Variants in PTPN14 observed in about 807,000 individuals in gnomAD.
PTPN14 encodes the protein protein tyrosine phosphatase non-receptor type 14.
PTPN14 carries 53 observed loss-of-function variants against 126.8 expected under a neutral mutation model. That is an observed-to-expected ratio of 0.42 (90% CI 0.34 to 0.53). The LOEUF is 0.53. Ranked by LOEUF, PTPN14 falls within the 20% of genes least tolerant of loss-of-function variation. The pLI is 0.08. For missense variants in PTPN14, 1,257 were observed against 1,552.9 expected, an observed-to-expected ratio of 0.81 and a Z score of 3.20; for synonymous variants, 630 against 599.3, an observed-to-expected ratio of 1.05 and a Z score of -0.75.
In PTPN14 at chr1:214,384,062, A is replaced by T. The variant is rs762812924; in HGVS notation, c.1793T>A (p.Val598Glu). 4.4e-6 allele frequency: 7 copies of T among 1,579,144 alleles called. No homozygotes were observed. The South Asian group carries it at 6.8e-5, about 15-fold the overall frequency. ...KYVSGSSPDLVTRKVQLSVKT... is the reference protein window; with the variant it reads ...KYVSGSSPDLETRKVQLSVKT... ...CACCGAGAGCTGCACCTTCCGGGTC[A>T]CCAGGTCCGGGCTGCTGCCGCTGAC... is the stretch of plus-strand genomic sequence containing the variant. The change falls in exon 13 of 19, where the codon GTG becomes GAG. Residue 598 changes from valine to glutamate, a missense_variant. By Grantham distance (121) the Val-to-Glu change is moderately radical. Coordinates refer to ENST00000366956, the MANE Select transcript of PTPN14 (RefSeq NM_005401.5). The surrounding 1 kb of genome is among the most constrained non-coding windows in gnomAD (Gnocchi z 5.3).
In PTPN14 at chr1:214,357,805, G is replaced by A; in HGVS notation, c.*117C>T. On this transcript the variant is annotated 3_prime_UTR_variant, in exon 19 of 19. Coordinates refer to ENST00000366956, the MANE Select transcript of PTPN14 (RefSeq NM_005401.5). ...AATAATCTTGGCTACTGTCTTCAGA[G>A]AGCCTGTTTGCTGCCAGCCACCTGC... The A allele has an allele frequency of 1.3e-6, 1 of 747,482 alleles. No individual in the cohort carries two copies. The highest frequency in any genetic ancestry group is 2.2e-6 in the Non-Finnish European group (1 of 451,032). 46.3% of individuals were successfully genotyped at this position (747,482 alleles called of 1,614,324 possible). A position where few individuals can be genotyped will look rare whatever the true frequency, so the allele number is the denominator to read the frequency against.
Position 214,364,647 on chromosome 1 carries a change from A to T in PTPN14, c.3300T>A (p.Arg1100=). 6.2e-7 allele frequency: 1 copy of T among 1,613,918 alleles called. No homozygotes were observed. Among genetic ancestry groups the T allele is most frequent in the Non-Finnish European group, 8.5e-7 (1 of 1,179,994 alleles). The part of the protein sequence containing the change: ...LSYLEEIQSV[R]RHTNSMLEGT... ...CTTCCAGCATGCTGTTGGTATGGCG[A>T]CGGACCGACTGGATCTCCTCCAAGT... Residue 1100 remains arginine (R), a synonymous_variant, in exon 18 of 19, where the codon CGT becomes CGA. Coordinates refer to ENST00000366956, the MANE Select transcript of PTPN14 (RefSeq NM_005401.5). The surrounding 1 kb of genome is among the most constrained non-coding windows in gnomAD (Gnocchi z 4.1).
chr1:214,462,719 T>C (rs1660540337), intron 2 of PTPN14, among the ~76,000 whole-genome samples: 1 of 152,206 alleles, frequency 6.6e-6, no homozygotes, highest in Non-Finnish European at 1.5e-5. Context: ...TATTAACTGT[T>C]TATTTAAAGG....
chr1:214,414,457 C>A lies in PTPN14; in HGVS notation c.442+172G>T, dbSNP rs565651771. Among the ~76,000 whole-genome samples, 9 of 152,300 alleles carry A rather than the reference C, an allele frequency of 5.9e-5. No individual in the cohort carries two copies. In the South Asian group the frequency reaches 1.9e-3, roughly 32 times the overall value. ...AAACAGCTTTGAGAAATCTACCACC[C>A]AGCCACCAAAAATCACTAACTTTGC... On this transcript the variant is annotated intron_variant, in intron 4 of 18. Coordinates refer to ENST00000366956, the MANE Select transcript of PTPN14 (RefSeq NM_005401.5).
intron 3 of PTPN14, among the ~76,000 whole-genome samples, chr1:214,438,729 CTA>C (rs1173401118): frequency 6.6e-6 from 1 of 152,166 alleles, no homozygotes; most frequent in African/African-American, 2.4e-5. Context: ...TGTTCTTCCC[CTA>C]TGTTTCTGGT....
At chr1:214,543,565 C>T (rs73079768) in intron 1 of PTPN14, among the ~76,000 whole-genome samples, 6,018 of 152,096 alleles carry the variant, frequency 0.04, 206 homozygotes, top group African/African-American at 0.1. Flanking sequence ...AATAATAAAT[C>T]ACAAACTAGG....
Position 214,451,808 on chromosome 1 carries a change from G to A in PTPN14, c.341C>T (p.Thr114Ile). The change falls in exon 3 of 19, where the codon ACA becomes ATA. Residue 114 changes from threonine (T) to isoleucine (I), a missense_variant. Physicochemically the swap from Thr to Ile is moderately conservative, Grantham distance 89 (BLOSUM62 -1). This residue lies in a region of PTPN14 where 1,021 missense variants were observed against 1,183.3 expected (regional missense o/e 0.86). Coordinates refer to ENST00000366956, the MANE Select transcript of PTPN14 (RefSeq NM_005401.5). ...PNVSWLQQEA[T>I]RYQYYLQVKK... ...CACAGGGGGAAAATGCACCTACCTTGTGGCCTCTTGCTGAAGCCATGACAC... is the reference window on the plus strand; with the variant it reads ...CACAGGGGGAAAATGCACCTACCTTATGGCCTCTTGCTGAAGCCATGACAC... The A allele has an allele frequency of 6.2e-7, 1 of 1,613,978 alleles. No individual in the cohort carries two copies. The highest frequency in any genetic ancestry group is 1.1e-5 in the South Asian group (1 of 91,040).
chr1:214,469,299 C>T (rs201438431), intron 1 of PTPN14, among the ~76,000 whole-genome samples: 2 of 152,182 alleles, frequency 1.3e-5, no homozygotes, highest in East Asian at 3.8e-4. Flanking sequence ...TAGCCATTCA[C>T]ACAGGCGTAG....
At chr1:214,414,555 C>T (rs1659382532) in intron 4 of PTPN14, 74 bp downstream of exon 4, 1 of 1,323,396 alleles carries the variant, frequency 7.6e-7, no homozygotes, top group African/African-American at 1.4e-5. Context: ...TCTAACTTCT[C>T]ACTCTGAGAG....
chr1:214,388,459 T>G (rs1471863287), intron 11 of PTPN14, among the ~76,000 whole-genome samples: 1 of 152,042 alleles, frequency 6.6e-6, no homozygotes, highest in Non-Finnish European at 1.5e-5. Flanking sequence ...CAGGCTGGAG[T>G]GCAGTGGCAC....
chr1:214,500,361 A>G (rs1407586484), intron 1 of PTPN14, among the ~76,000 whole-genome samples: 1 of 152,076 alleles, frequency 6.6e-6, no homozygotes, highest in Non-Finnish European at 1.5e-5. Context: ...AATCTCAACA[A>G]CATCCCATGT....
chr1:214,447,653 T>C (rs773183713), intron 3 of PTPN14, among the ~76,000 whole-genome samples: 1 of 152,188 alleles, frequency 6.6e-6, no homozygotes, highest in Non-Finnish European at 1.5e-5. Flanking sequence ...ATTCCAGTTT[T>C]AGGGCCCCTT....
chr1:214,362,301 T>C (rs1221482973), intron 18 of PTPN14, among the ~76,000 whole-genome samples: 1 of 151,976 alleles, frequency 6.6e-6, no homozygotes, highest in Non-Finnish European at 1.5e-5. Flanking sequence ...GGAAGAGAAG[T>C]GAAAAATATG....
intron 3 of PTPN14, among the ~76,000 whole-genome samples, chr1:214,451,361 T>C (rs2102634018): frequency 6.6e-6 from 1 of 152,120 alleles, no homozygotes; most frequent in South Asian, 2.1e-4. Flanking sequence ...AGAGACAGGG[T>C]CTTGCTATGC....
intron 1 of PTPN14, among the ~76,000 whole-genome samples, chr1:214,519,517 T>C (rs1357333968): frequency 6.6e-6 from 1 of 152,126 alleles, no homozygotes; most frequent in East Asian, 1.9e-4. Flanking sequence ...ATTGATACAT[T>C]CCAGGGACAG....
chr1:214,362,889 G>T (rs1442543056), intron 18 of PTPN14, among the ~76,000 whole-genome samples: 3 of 152,184 alleles, frequency 2.0e-5, no homozygotes, highest in Non-Finnish European at 4.4e-5. Context: ...TGACAAAAGT[G>T]ATATGAAGGG....
chr1:214,454,191 T>C (rs937490528), intron 2 of PTPN14, among the ~76,000 whole-genome samples: 2 of 152,282 alleles, frequency 1.3e-5, no homozygotes, highest in Non-Finnish European at 2.9e-5. Context: ...TAAGCATTAG[T>C]GGAGAAACAG....
intron 1 of PTPN14, among the ~76,000 whole-genome samples, chr1:214,476,301 AG>A (rs1355888050): frequency 6.6e-6 from 1 of 152,234 alleles, no homozygotes; most frequent in Non-Finnish European, 1.5e-5. Context: ...TTTTCCAGCC[AG>A]GGCAGATGAC....
intron 1 of PTPN14, among the ~76,000 whole-genome samples, chr1:214,524,515 G>C (rs1195055670): frequency 6.6e-6 from 1 of 151,970 alleles, no homozygotes; most frequent in Non-Finnish European, 1.5e-5. Flanking sequence ...AGCTAGGCAG[G>C]ATGCTGCACA....
Sources: allele counts gnomAD v4.1 joint callset (sites outside exome capture counted in the v4.1 genomes callset), GRCh38; gene constraint gnomAD v4.1.1; regional missense constraint gnomAD v4.1.1; non-coding constraint Gnocchi (gnomAD v3.1); transcripts MANE v1.5; gene names NCBI Gene and HGNC (gene_info 2026-07-23, HGNC 2026-07-21).